The following TCF7L1 variants were observed in gnomAD, a reference collection of about 807,000 sequenced individuals.
The protein encoded by TCF7L1 is transcription factor 7-like 1.
TCF7L1 carries 18 observed loss-of-function variants against 63.7 expected under a neutral mutation model. That is an observed-to-expected ratio of 0.28 (90% CI 0.20 to 0.42). The LOEUF (loss-of-function observed/expected upper bound fraction) is 0.42, where lower values mean the gene tolerates loss of function less well. Among genes scored for constraint, TCF7L1 ranks in the 10% least tolerant of loss-of-function variants. The pLI, the probability that TCF7L1 is intolerant of heterozygous loss-of-function variation, is 1.00. For synonymous variants in TCF7L1, 355 were observed against 340.9 expected (o/e 1.04, Z -0.46); for missense variants, 654 against 779.3 (o/e 0.84, Z 1.91).
intron 3 of TCF7L1, among the ~76,000 whole-genome samples, chr2:85,171,358 G>T (rs894155369): frequency 7.2e-5 from 11 of 152,198 alleles, no homozygotes; most frequent in African/African-American, 2.7e-4. Context: ...TGATTTGGGG[G>T]TGCTGTTTTA....
chr2:85,193,331 G>T (rs1183516718), intron 3 of TCF7L1, among the ~76,000 whole-genome samples: 2 of 152,160 alleles, frequency 1.3e-5, no homozygotes, highest in Admixed American at 6.5e-5. Context: ...TAAACTAAGT[G>T]ATATTTAGTC....
At position 85,225,407 on chromosome 2, in the gene TCF7L1, G is replaced by A. The variant is rs542797554; in HGVS notation, c.442-58088G>A. Among the ~76,000 whole-genome samples, 493 of 152,314 alleles carry A rather than the reference G, an allele frequency of 3.2e-3. 4 individuals carry two copies. Among genetic ancestry groups the A allele is most frequent in the African/African-American group, 0.011 (476 of 41,556 alleles). ...CACGATATTGATTCTTCCTATCCAT[G>A]AGCATGGAATGTTCTTCCATTTGTT... On this transcript the variant is annotated intron_variant, in intron 3 of 11. Transcript: ENST00000282111.
At position 85,162,963 on chromosome 2, in the gene TCF7L1, A is replaced by C. The variant is rs115766199; in HGVS notation, c.441+28513A>C. On this transcript the variant is annotated intron_variant, in intron 3 of 11. Coordinates refer to ENST00000282111, the MANE Select transcript of TCF7L1 (RefSeq NM_031283.3). ...AGCCAGTAAAGGGCGCCGTAGACTG[A>C]ACCTGTAGGAAACCAGACTCCAGGC... Among the ~76,000 whole-genome samples the C allele has an allele frequency of 8.0e-3, 1,214 of 152,286 alleles. 11 individuals carry two copies. Among genetic ancestry groups the C allele is most frequent in the African/African-American group, 0.028 (1,175 of 41,550 alleles).
chr2:85,309,687 G>A lies in TCF7L1; in HGVS notation c.*225G>A. 2.1e-6 allele frequency: 1 copy of A among 469,946 alleles called. No individual in the cohort carries two copies. The highest frequency in any genetic ancestry group is 3.6e-6 in the Non-Finnish European group (1 of 274,632). 29.1% of individuals were successfully genotyped at this position (469,946 alleles called of 1,614,324 possible). Reference sequence around the variant, plus strand: ...AACAAAAAAAAATCTTTATAAGAAAGAGAACTGAAAAGTAGCGTGCTATTC... The same window carrying A: ...AACAAAAAAAAATCTTTATAAGAAAAAGAACTGAAAAGTAGCGTGCTATTC... On this transcript the variant is annotated 3_prime_UTR_variant, in exon 12 of 12. Transcript: ENST00000282111.
chr2:85,283,726 G>A, intron 4 of TCF7L1, 148 bp downstream of exon 4: 4 of 854,670 alleles, frequency 4.7e-6, no homozygotes, highest in South Asian at 4.3e-5. Flanking sequence ...TGAGTGCTTG[G>A]GGCTAACAAT....
At chr2:85,148,096 T>G (rs528810404) in intron 3 of TCF7L1, among the ~76,000 whole-genome samples, 9 of 152,142 alleles carry the variant, frequency 5.9e-5, no homozygotes, top group Non-Finnish European at 1.3e-4. Flanking sequence ...ATAAGCTTTT[T>G]TTGTTATAAA....
intron 3 of TCF7L1, among the ~76,000 whole-genome samples, chr2:85,144,649 TAC>T (rs771563663): frequency 6.6e-6 from 1 of 151,952 alleles, no homozygotes; most frequent in Non-Finnish European, 1.5e-5. Context: ...ACTAAACATT[TAC>T]ACAGTTATTT....
intron 3 of TCF7L1, among the ~76,000 whole-genome samples, chr2:85,277,828 C>A (rs991890549): frequency 6.6e-6 from 1 of 152,192 alleles, no homozygotes; most frequent in African/African-American, 2.4e-5. Context: ...TGCTTAAAGG[C>A]TTTTCTGTGA....
At chr2:85,294,229 G>C (rs1172009008) in intron 4 of TCF7L1, among the ~76,000 whole-genome samples, 1 of 151,710 alleles carries the variant, frequency 6.6e-6, no homozygotes, top group African/African-American at 2.4e-5. Context: ...GTAAAGACGG[G>C]GTTTCACCAT....
At chr2:85,281,594 G>C (rs1297920364) in intron 3 of TCF7L1, among the ~76,000 whole-genome samples, 1 of 152,154 alleles carries the variant, frequency 6.6e-6, no homozygotes, top group Admixed American at 6.5e-5. Flanking sequence ...GGAGGAAGAA[G>C]ATAGGGTCAG....
At chr2:85,305,760 C>T (rs1351294614) in intron 8 of TCF7L1, among the ~76,000 whole-genome samples, 2 of 152,100 alleles carry the variant, frequency 1.3e-5, no homozygotes, top group Non-Finnish European at 2.9e-5. Context: ...GGGCTGGTGG[C>T]CGAGCTGAGA....
intron 3 of TCF7L1, among the ~76,000 whole-genome samples, chr2:85,179,750 G>A (rs896682500): frequency 7.2e-5 from 11 of 152,114 alleles, no homozygotes; most frequent in African/African-American, 2.7e-4. Flanking sequence ...CTGTGGTGTT[G>A]GTTTAGCTCC....
intron 3 of TCF7L1, among the ~76,000 whole-genome samples, chr2:85,240,142 A>G (rs1235310626): frequency 1.3e-5 from 2 of 152,204 alleles, no homozygotes; most frequent in East Asian, 1.9e-4. Context: ...TGTGGCCTGC[A>G]TGCCATTTCC....
chr2:85,173,327 G>C (rs1039346941), intron 3 of TCF7L1, among the ~76,000 whole-genome samples: 4 of 151,958 alleles, frequency 2.6e-5, no homozygotes, highest in African/African-American at 4.8e-5. Flanking sequence ...GGGTACGGAG[G>C]GGGTGGGGGG....
intron 3 of TCF7L1, among the ~76,000 whole-genome samples, chr2:85,234,846 G>C (rs1395338577): frequency 1.3e-5 from 2 of 152,212 alleles, no homozygotes; most frequent in Non-Finnish European, 2.9e-5. Flanking sequence ...CATTGAAGGT[G>C]AAAGGGTGGC....
At chr2:85,150,159 A>G (rs1258652812) in intron 3 of TCF7L1, among the ~76,000 whole-genome samples, 4 of 151,290 alleles carry the variant, frequency 2.6e-5, no homozygotes, top group Admixed American at 1.3e-4. Flanking sequence ...TGAGTTCAAC[A>G]TCACATCTTA....
At chr2:85,249,702 GGT>G (rs1680548791) in intron 3 of TCF7L1, among the ~76,000 whole-genome samples, 2 of 152,130 alleles carry the variant, frequency 1.3e-5, no homozygotes, top group African/African-American at 4.8e-5. Flanking sequence ...TCTTAGTTCT[GGT>G]GGAACATATC....
At chr2:85,296,778 A>G (rs1211562447) in intron 4 of TCF7L1, among the ~76,000 whole-genome samples, 1 of 152,216 alleles carries the variant, frequency 6.6e-6, no homozygotes, top group Non-Finnish European at 1.5e-5. Flanking sequence ...CATTTGTGCC[A>G]TTTGTAACTG....
intron 3 of TCF7L1, among the ~76,000 whole-genome samples, chr2:85,181,861 T>C (rs758593764): frequency 3.3e-5 from 5 of 152,142 alleles, no homozygotes; most frequent in Non-Finnish European, 7.4e-5. Flanking sequence ...AACAAGTGTC[T>C]TGTGTTCAGT....
Sources: allele counts gnomAD v4.1 joint callset (sites outside exome capture counted in the v4.1 genomes callset), GRCh38; gene constraint gnomAD v4.1.1; transcripts MANE v1.5; gene names NCBI Gene and HGNC (gene_info 2026-07-23, HGNC 2026-07-21).